Variants in RHOT2 observed in about 807,000 individuals in gnomAD.
RHOT2 encodes ras homolog family member T2, also known as mitochondrial Rho GTPase 2.
A neutral mutation model predicts 81.6 loss-of-function variants in RHOT2; 90 were observed. The observed-to-expected ratio is 1.10, with a 90% CI of 0.93 to 1.31. The LOEUF is 1.31. Among genes scored for constraint, RHOT2 ranks in the 40% most tolerant of loss-of-function variants. The pLI is 0.00. For missense variants in RHOT2, 1,014 were observed against 841.9 expected (o/e 1.20, Z -2.53); for synonymous variants, 512 against 370.9 (o/e 1.38, Z -4.37).
At chr16:670,817 C>T in intron 9 of RHOT2, 44 bp downstream of exon 9, 1 of 1,605,592 alleles carries the variant, frequency 6.2e-7, no homozygotes, top group Non-Finnish European at 8.5e-7. Flanking sequence ...CCTTGAACCT[C>T]CGCTGCCGTT....
In RHOT2 at chr16:672,078, C is replaced by A; in HGVS notation, c.1098-6C>A. The A allele has an allele frequency of 1.2e-6, 2 of 1,612,556 alleles. No individual in the cohort carries two copies. The highest frequency in any genetic ancestry group is 1.7e-6 in the Non-Finnish European group (2 of 1,179,866). ...AACACTGTGCCTGCCTCCCGCCCAC[C>A]CCCAGCCTGGTGACCTACCTGGACG... On this transcript the variant is annotated splice_region_variant and splice_polypyrimidine_tract_variant and intron_variant, in intron 13 of 18. Coordinates refer to ENST00000315082, the MANE Select transcript of RHOT2 (RefSeq NM_138769.3).
At chr16:671,054 G>C in intron 10 of RHOT2, 29 bp from the exon 11 acceptor site, 1 of 1,601,856 alleles carries the variant, frequency 6.2e-7, no homozygotes, top group Non-Finnish European at 8.5e-7. Flanking sequence ...GGCTGTGCCT[G>C]GTGCTCCCCC....
In RHOT2 at chr16:672,550, A is replaced by C. The variant is rs1470128265; in HGVS notation, c.1388A>C (p.Gln463Pro). Residue 463 changes from glutamine to proline, a missense_variant, in exon 16 of 19, where the codon CAG becomes CCG. By Grantham distance (76) the Gln-to-Pro change is moderately conservative. Transcript: ENST00000315082. The part of the protein sequence containing the change: ...YAIDTVQVNG[Q>P]EKYLILCEVG... The stretch of plus-strand genomic sequence containing the variant: ...ATCGACACGGTGCAGGTCAATGGAC[A>C]GGAGAAGTACTTGATCGTGAGTGCT... The C allele has an allele frequency of 6.8e-6, 11 of 1,612,506 alleles. No homozygotes were observed. The highest frequency in any genetic ancestry group is 8.5e-6 in the Non-Finnish European group (10 of 1,179,826).
intron 14 of RHOT2, 32 bp downstream of exon 14, chr16:672,213 A>G: frequency 1.2e-6 from 2 of 1,612,166 alleles, no homozygotes; most frequent in Non-Finnish European, 1.7e-6. Context: ...GCCTGGGCCC[A>G]GTATCCTGGC....
In RHOT2 at chr16:672,690, C is replaced by T. The variant is rs748059685; in HGVS notation, c.1405-13C>T. 3 of 1,611,968 alleles carry T rather than the reference C, an allele frequency of 1.9e-6. No homozygotes were observed. The highest frequency in any genetic ancestry group is 2.2e-5 in the East Asian group (1 of 44,884). On this transcript the variant is annotated splice_polypyrimidine_tract_variant and intron_variant, in intron 16 of 18. Transcript: ENST00000315082. The stretch of plus-strand genomic sequence containing the variant: ...GCCCCAGGGACCCTTCCTAAGGCCG[C>T]TGTCTGTCCCAGCTCTGTGAGGTGG...
rs779585460 is a variant in RHOT2 at position 672,532 on chromosome 16, C to T, written c.1370C>T (p.Thr457Met). The T allele has an allele frequency of 3.7e-5, 59 of 1,612,478 alleles. No homozygotes were observed. The highest frequency in any genetic ancestry group is 5.0e-5 in the Admixed American group (3 of 60,004). The change falls in exon 16 of 19, where the codon ACG becomes ATG. Residue 457 changes from threonine (T) to methionine (M), a missense_variant. By Grantham distance (81) the Thr-to-Met change is moderately conservative. Transcript: ENST00000315082. Reference sequence around the variant, plus strand: ...CAGCCTCCCGGCTACGCCATCGACACGGTGCAGGTCAATGGACAGGAGAAG... The same window carrying T: ...CAGCCTCCCGGCTACGCCATCGACATGGTGCAGGTCAATGGACAGGAGAAG... The part of the protein sequence containing the change: ...REQPPGYAID[T>M]VQVNGQEKYL...
At chr16:671,468 G>A (rs1009101785) in intron 11 of RHOT2, among the ~76,000 whole-genome samples, 4 of 152,196 alleles carry the variant, frequency 2.6e-5, no homozygotes, top group South Asian at 2.1e-4. Flanking sequence ...CCCTGCTGGG[G>A]TCGGCAGCTT....
rs3743912 is a variant in RHOT2 at position 670,960 on chromosome 16, C to T, written c.708C>T (p.Asn236=). Residue 236 remains asparagine (N), a synonymous_variant, in exon 10 of 19, where the codon AAC becomes AAT. Coordinates refer to ENST00000315082, the MANE Select transcript of RHOT2 (RefSeq NM_138769.3). ...ACGTGAAGACGGTGGTGTGCAGGAA[C>T]GTGGCGGGCGGCGTGCGGGAGGACC... ...LEDVKTVVCR[N]VAGGVREDRL... 0.14 allele frequency: 215,330 copies of T among 1,569,832 alleles called. 16,535 individuals carry two copies. The highest frequency in any genetic ancestry group is 0.3 in the East Asian group (13,542 of 44,402).
intron 4 of RHOT2, 109 bp from the exon 5 acceptor site, chr16:669,444 C>T (rs1249781611): frequency 2.8e-6 from 3 of 1,073,568 alleles, no homozygotes; most frequent in South Asian, 1.3e-5. Flanking sequence ...ACCCATGCTA[C>T]CTGTGAGCTT....
Position 671,189 on chromosome 16 carries a change from C to T in RHOT2, c.855C>T (p.Asp285=), listed in dbSNP as rs139657909. The change falls in exon 11 of 19, where the codon GAC becomes GAT. Residue 285 remains aspartate, a synonymous_variant. Coordinates refer to ENST00000315082, the MANE Select transcript of RHOT2 (RefSeq NM_138769.3). ...GCGATGCCCTGGAGCTGACTGCGGA[C>T]TATCTCTCCCCTCTGTGAGTGATGC... The part of the protein sequence containing the change: ...GYSDALELTA[D]YLSPLIHVPP... 2.3e-5 allele frequency: 36 copies of T among 1,565,340 alleles called. No homozygotes were observed. The highest frequency in any genetic ancestry group is 2.9e-5 in the Non-Finnish European group (34 of 1,154,138).
chr16:671,013 G>T lies in RHOT2; in HGVS notation c.748+13G>T, dbSNP rs373756672. 1.3e-5 allele frequency: 21 copies of T among 1,599,774 alleles called. No homozygotes were observed. In the African/African-American group the frequency reaches 2.8e-4, roughly 21 times the overall value. On this transcript the variant is annotated intron_variant, in intron 10 of 18. Transcript: ENST00000315082. ...CTGACCCTGGATGGTGAGGCCGGGT[G>T]CCCGCCTGTGCCTGGGGAGTGTGGG...
rs745884633 is a variant in RHOT2 at position 670,684 on chromosome 16, G to A, written c.550G>A (p.Ala184Thr). The A allele has an allele frequency of 3.0e-5, 49 of 1,612,248 alleles. 1 individual carries two copies. Among genetic ancestry groups the A allele is most frequent in the East Asian group, 2.5e-4 (11 of 44,874 alleles). ...YDPEAKQLRP[A>T]CAQALTRIFR... The stretch of plus-strand genomic sequence containing the variant: ...GCCAACATCCCCACAGTTGAGGCCC[G>A]CGTGCGCCCAGGCGCTGACGCGCAT... The change falls in exon 9 of 19, where the codon GCG (alanine) becomes ACG (threonine). Residue 184 changes from alanine to threonine, a missense_variant. Physicochemically the swap from Ala to Thr is moderately conservative, Grantham distance 58. Transcript: ENST00000315082.
At position 672,010 on chromosome 16, in the gene RHOT2, C is replaced by T. The variant is rs187465838; in HGVS notation, c.1097+8C>T. On this transcript the variant is annotated splice_region_variant and intron_variant, in intron 13 of 18. Coordinates refer to ENST00000315082, the MANE Select transcript of RHOT2 (RefSeq NM_138769.3). ...ATACCTCTGCCAGTGGACGTAAGTG[C>T]GGCCCACACCATGCCCGCCTGCCGC... 7 of 1,611,286 alleles carry T rather than the reference C, an allele frequency of 4.3e-6. No homozygotes were observed. Among genetic ancestry groups the T allele is most frequent in the South Asian group, 2.2e-5 (2 of 91,022 alleles).
Position 668,152 on chromosome 16 carries a change from C to G in RHOT2, c.-48C>G. 2.3e-6 allele frequency: 1 copy of G among 437,036 alleles called. No homozygotes were observed. Among genetic ancestry groups the G allele is most frequent in the Non-Finnish European group, 4.0e-6 (1 of 249,870 alleles). The allele number at this position is 437,036 out of a possible 1,614,324, so 27.1% of individuals were successfully genotyped here. ...GGGGCAGAGCGAAAGGCTTGAGGAC[C>G]AGGTCGGGGCCGGGTTCCGGGTCGG... On this transcript the variant is annotated 5_prime_UTR_variant, in exon 1 of 19. Coordinates refer to ENST00000315082, the MANE Select transcript of RHOT2 (RefSeq NM_138769.3).
In RHOT2 at chr16:670,500, C is replaced by A. The variant is rs762053029; in HGVS notation, c.483C>A (p.Tyr161Ter). Residue 161 changes from tyrosine (Y) to a stop codon, truncating the protein, a stop_gained, in exon 8 of 19, where the codon TAC becomes TAA. Coordinates refer to ENST00000315082, the MANE Select transcript of RHOT2 (RefSeq NM_138769.3). LOFTEE classifies it high-confidence loss of function. ...NLRNISELFY[Y>*]AQKAVLHPTA... ...GGAACATCTCAGAGCTGTTCTACTA[C>A]GCCCAGAAGGCCGTCCTGCATCCCA... The A allele has an allele frequency of 1.7e-5, 27 of 1,608,372 alleles. No individual in the cohort carries two copies. The highest frequency in any genetic ancestry group is 2.3e-5 in the Non-Finnish European group (27 of 1,177,628).
At chr16:669,287 G>A (rs2038493883) in intron 4 of RHOT2, 8 of 562,686 alleles carry the variant, frequency 1.4e-5, no homozygotes, top group Middle Eastern at 4.7e-4. Flanking sequence ...GGGGCCTGGT[G>A]TCCCTGCACT....
rs1233871753 is a variant in RHOT2 at position 673,815 on chromosome 16, C to T, written c.*209C>T. 14 of 683,910 alleles carry T rather than the reference C, an allele frequency of 2.0e-5. No homozygotes were observed. Among genetic ancestry groups the T allele is most frequent in the East Asian group, 1.4e-4 (5 of 35,582 alleles). The allele number at this position is 683,910 out of a possible 1,614,324, so 42.4% of individuals were successfully genotyped here. A position where few individuals can be genotyped will look rare whatever the true frequency, so the allele number is the denominator to read the frequency against. On this transcript the variant is annotated 3_prime_UTR_variant, in exon 19 of 19. Coordinates refer to ENST00000315082, the MANE Select transcript of RHOT2 (RefSeq NM_138769.3). ...CTCCTGCCGGACCCCCAGGGTGGGCCGTGGCAGGTGGCTGAGCAGGAGCTC... is the reference window on the plus strand; with the variant it reads ...CTCCTGCCGGACCCCCAGGGTGGGCTGTGGCAGGTGGCTGAGCAGGAGCTC...
Position 672,687 on chromosome 16 carries a change from C to T in RHOT2, c.1405-16C>T, listed in dbSNP as rs2039172020. On this transcript the variant is annotated splice_polypyrimidine_tract_variant and intron_variant, in intron 16 of 18. Transcript: ENST00000315082. ...CGAGCCCCAGGGACCCTTCCTAAGG[C>T]CGCTGTCTGTCCCAGCTCTGTGAGG... 14 of 1,611,886 alleles carry T rather than the reference C, an allele frequency of 8.7e-6. No homozygotes were observed. Among genetic ancestry groups the T allele is most frequent in the Non-Finnish European group, 1.1e-5 (13 of 1,179,926 alleles).
chr16:673,391 C>G, intron 18 of RHOT2, 89 bp from the exon 19 acceptor site: 2 of 1,574,888 alleles, frequency 1.3e-6, no homozygotes, highest in Admixed American at 1.7e-5. Context: ...GCCTGTGGGG[C>G]CCTGTGAGTC....
Sources: gnomAD v4.1 joint callset for allele counts (sites outside exome capture counted in the v4.1 genomes callset) on GRCh38, gnomAD v4.1.1 for gene constraint, MANE v1.5 for transcripts, NCBI Gene and HGNC (gene_info 2026-07-23, HGNC 2026-07-21) for gene names.